The following CEP97 variants were observed in gnomAD, a reference collection of about 807,000 sequenced individuals.
CEP97 encodes centrosomal protein 97.
A neutral mutation model predicts 73.1 loss-of-function variants in CEP97; 43 were observed. The ratio of observed to expected loss-of-function variants is 0.59; its 90% confidence interval spans 0.46 to 0.76. The LOEUF (loss-of-function observed/expected upper bound fraction) is 0.76, where lower values mean the gene tolerates loss of function less well. CEP97 is among the 30% of genes least tolerant of loss of function. CEP97 has a pLI of 0.00. For missense variants in CEP97, 939 were observed against 1,014.0 expected (o/e 0.93, Z 1.00); for synonymous variants, 337 against 370.0 (o/e 0.91, Z 1.02).
chr3:101,727,658 C>A, intron 3 of CEP97, 117 bp downstream of exon 3: 1 of 729,666 alleles, frequency 1.4e-6, no homozygotes. Context: ...GGGATAATCT[C>A]TGTTAAAATA....
intron 9 of CEP97, 163 bp downstream of exon 9, chr3:101,758,586 G>A (rs1939086855): frequency 1.3e-6 from 1 of 780,378 alleles, no homozygotes; most frequent in Non-Finnish European, 2.0e-6. Flanking sequence ...CATCTGGAGA[G>A]CAGACACTAT....
chr3:101,738,364 C>A (rs1433480107), intron 6 of CEP97, among the ~76,000 whole-genome samples: 3 of 152,180 alleles, frequency 2.0e-5, no homozygotes, highest in Non-Finnish European at 2.9e-5. Context: ...ATCTACAGAA[C>A]TCTCCACACC....
At position 101,757,292 on chromosome 3, in the gene CEP97, TGTTA is replaced by T. The variant is rs1576697815; in HGVS notation, c.1027+100_1027+103del. The T allele has an allele frequency of 2.8e-6, 4 of 1,404,298 alleles. No individual in the cohort carries two copies. The East Asian group carries it at 9.4e-5, about 33-fold the overall frequency. 87.0% of individuals were successfully genotyped at this position (1,404,298 alleles called of 1,614,324 possible). ...AAAGGTGCATATTTTCATAATTTTT[TGTTA>T]GTTTACTAACTTCAGTAATCATTTA... On this transcript the variant is annotated intron_variant, in intron 8 of 10. Coordinates refer to ENST00000341893, the MANE Select transcript of CEP97 (RefSeq NM_024548.4).
rs971481956 is a variant in CEP97 at position 101,769,604 on chromosome 3, CTG to C, written c.*4056_*4057del. 17 of 152,274 alleles carry C rather than the reference CTG, an allele frequency of 1.1e-4. No homozygotes were observed. Among genetic ancestry groups the C allele is most frequent in the African/African-American group, 4.1e-4 (17 of 41,526 alleles). The allele number at this position is 152,274 out of a possible 1,614,324, so 9.4% of individuals were successfully genotyped here. On this transcript the variant is annotated 3_prime_UTR_variant, in exon 11 of 11. Transcript: ENST00000341893. Reference sequence around the variant, plus strand: ...GTGCTGAGATTACAGGTGTGAGCCACTGTGCCCAGCCGAGACTTCATTGTTTA... The same window carrying C: ...GTGCTGAGATTACAGGTGTGAGCCACTGCCCAGCCGAGACTTCATTGTTTA...
Position 101,768,904 on chromosome 3 carries a change from T to A in CEP97, c.*3353T>A, listed in dbSNP as rs935913737. 3.3e-5 allele frequency: 5 copies of A among 152,212 alleles called. No individual in the cohort carries two copies. Among genetic ancestry groups the A allele is most frequent in the Admixed American group, 3.3e-4 (5 of 15,282 alleles). The allele number at this position is 152,212 out of a possible 1,614,324, so 9.4% of individuals were successfully genotyped here. ...TGCAATTTAGTTTGATTTTATAGGT[T>A]TAATTATAAAAGGCTTCACAATATG... is the stretch of plus-strand genomic sequence containing the variant. On this transcript the variant is annotated 3_prime_UTR_variant, in exon 11 of 11. Transcript: ENST00000341893.
rs1939367230 is a variant in CEP97, at chr3:101,768,274, A to G, written c.*2723A>G. On this transcript the variant is annotated 3_prime_UTR_variant, in exon 11 of 11. Transcript: ENST00000341893. ...TCTAAGTTATAGCTAGTTAGTAGTAAATAAACTGAAAACCTATATGCTACT... is the reference window on the plus strand; with the variant it reads ...TCTAAGTTATAGCTAGTTAGTAGTAGATAAACTGAAAACCTATATGCTACT... The G allele has an allele frequency of 6.6e-6, 1 of 152,240 alleles. No homozygotes were observed. Among genetic ancestry groups the G allele is most frequent in the Non-Finnish European group, 1.5e-5 (1 of 68,042 alleles). The allele number at this position is 152,240 out of a possible 1,614,324, so 9.4% of individuals were successfully genotyped here. A position where few individuals can be genotyped will look rare whatever the true frequency, so the allele number is the denominator to read the frequency against.
intron 6 of CEP97, among the ~76,000 whole-genome samples, chr3:101,733,852 G>C (rs1184690383): frequency 6.6e-6 from 1 of 150,660 alleles, no homozygotes; most frequent in Non-Finnish European, 1.5e-5. Context: ...TTGAGACTGA[G>C]TTTCACTCTT....
chr3:101,753,338 G>C (rs986104318), intron 6 of CEP97, among the ~76,000 whole-genome samples: 18 of 152,270 alleles, frequency 1.2e-4, no homozygotes, highest in African/African-American at 4.3e-4. Context: ...CTGCTCAGGG[G>C]TCAGGGGTCA....
chr3:101,727,909 A>G (rs977191662), intron 3 of CEP97, among the ~76,000 whole-genome samples: 3 of 152,182 alleles, frequency 2.0e-5, no homozygotes, highest in African/African-American at 7.2e-5. Context: ...GTAACTGTGT[A>G]ATTTTGGGTA....
chr3:101,747,920 C>G (rs1175165535), intron 6 of CEP97, among the ~76,000 whole-genome samples: 1 of 150,964 alleles, frequency 6.6e-6, no homozygotes, highest in Non-Finnish European at 1.5e-5. Context: ...GTCAGCAGTT[C>G]AAGACCAGAC....
rs776828872 is a variant in CEP97 at position 101,765,266 on chromosome 3, G to T, written c.2313G>T (p.Leu771=). The change falls in exon 11 of 11, where the codon CTG becomes CTT. Residue 771 remains leucine (L), a synonymous_variant. Transcript: ENST00000341893. The stretch of plus-strand genomic sequence containing the variant: ...CAAATAACGAGCAGGACAATAGTCT[G>T]CTTGAACAGTATTTAACTTCAGTTC... ...ESSNNEQDNS[L]LEQYLTSVQQ... is the part of the protein sequence containing the mutation. 21 of 1,614,074 alleles carry T rather than the reference G, an allele frequency of 1.3e-5. No homozygotes were observed. The highest frequency in any genetic ancestry group is 2.2e-5 in the East Asian group (1 of 44,888).
intron 9 of CEP97, among the ~76,000 whole-genome samples, chr3:101,760,319 G>C (rs1013030986): frequency 3.3e-5 from 5 of 152,130 alleles, no homozygotes; most frequent in Non-Finnish European, 7.4e-5. Flanking sequence ...GAGGAAAATG[G>C]AGGAGGGTTG....
intron 6 of CEP97, among the ~76,000 whole-genome samples, chr3:101,748,129 C>CAAAAAA (rs71625598): frequency 3.7e-5 from 2 of 53,918 alleles, no homozygotes; most frequent in African/African-American, 8.1e-5. Context: ...GACCTTGTCT[C>CAAAAAA]AAAAAAAAAA....
At chr3:101,739,206 A>C (rs1476269600) in intron 6 of CEP97, among the ~76,000 whole-genome samples, 1 of 152,216 alleles carries the variant, frequency 6.6e-6, no homozygotes, top group Non-Finnish European at 1.5e-5. Flanking sequence ...GAAGCCCAGG[A>C]CCAGACGGAT....
At chr3:101,731,980 T>G (rs770307504) in intron 5 of CEP97, 27 bp downstream of exon 5, 6 of 1,298,296 alleles carry the variant, frequency 4.6e-6, no homozygotes, top group Non-Finnish European at 6.7e-6. Flanking sequence ...TTTTGTGAGA[T>G]TCAGGAAGCT....
intron 3 of CEP97, among the ~76,000 whole-genome samples, 193 bp downstream of exon 3, chr3:101,727,734 G>A (rs2107126594): frequency 6.6e-6 from 1 of 152,202 alleles, no homozygotes; most frequent in East Asian, 1.9e-4. Context: ...TTTGAACAAA[G>A]AATCTATATT....
chr3:101,769,874 T>A lies in CEP97; in HGVS notation c.*4323T>A, dbSNP rs566521130. ...ATTAAAAGTCAAATAAACAAAGCAG[T>A]CCTCACAGCCTTGGAAAGAAATAGA... On this transcript the variant is annotated 3_prime_UTR_variant, in exon 11 of 11. Transcript: ENST00000341893. 6.6e-5 allele frequency: 10 copies of A among 152,296 alleles called. No homozygotes were observed. Among genetic ancestry groups the A allele is most frequent in the African/African-American group, 2.2e-4 (9 of 41,564 alleles). The allele number at this position is 152,296 out of a possible 1,614,324, so 9.4% of individuals were successfully genotyped here.
intron 4 of CEP97, among the ~76,000 whole-genome samples, chr3:101,731,179 G>A (rs1938095058): frequency 6.9e-6 from 1 of 145,346 alleles, no homozygotes; most frequent in African/African-American, 2.6e-5. Flanking sequence ...TTTATATGTG[G>A]TTGTTTTAAT....
At chr3:101,735,738 A>G (rs1277347309) in intron 6 of CEP97, among the ~76,000 whole-genome samples, 2 of 152,178 alleles carry the variant, frequency 1.3e-5, no homozygotes, top group Non-Finnish European at 2.9e-5. Flanking sequence ...CTACGCCACC[A>G]GGGCCCTGGG....
Sources: gnomAD v4.1 joint callset for allele counts (sites outside exome capture counted in the v4.1 genomes callset) on GRCh38, gnomAD v4.1.1 for gene constraint, MANE v1.5 for transcripts, NCBI Gene and HGNC (gene_info 2026-07-23, HGNC 2026-07-21) for gene names.